The following AHI1 variants were observed in gnomAD, a reference collection of about 807,000 sequenced individuals.
The protein encoded by AHI1 is jouberin.
Under a neutral mutation model 149.3 loss-of-function variants are expected in AHI1, and 123 were observed. That is an observed-to-expected ratio of 0.82 (90% CI 0.71 to 0.96). The LOEUF is 0.96. AHI1 is among the 40% of genes least tolerant of loss of function. AHI1 has a pLI of 0.00. For synonymous variants in AHI1, 475 were observed against 459.8 expected (o/e 1.03, Z -0.42); for missense variants, 1,439 against 1,422.7 (o/e 1.01, Z -0.18).
intron 24 of AHI1, among the ~76,000 whole-genome samples, chr6:135,348,071 A>C (rs781496236): frequency 6.6e-6 from 1 of 152,206 alleles, no homozygotes; most frequent in Non-Finnish European, 1.5e-5. Flanking sequence ...CCGTGTGGCT[A>C]TCTCTGTCAA....
rs562482086 is a variant in AHI1 at position 135,326,686 on chromosome 6, G to A, written c.3166-3362C>T. Among the ~76,000 whole-genome samples, 4 of 151,962 alleles carry A rather than the reference G, an allele frequency of 2.6e-5. No individual in the cohort carries two copies. In the East Asian group the frequency reaches 7.8e-4, roughly 30 times the overall value. ...AGCTATTCTCCTGCCTTGGCCTCCT[G>A]AGTAGCTGGGATTACAGGCACCCGC... On this transcript the variant is annotated intron_variant, in intron 24 of 28. Coordinates refer to ENST00000265602, the MANE Select transcript of AHI1 (RefSeq NM_001134831.2).
At chr6:135,384,857 G>A (rs1053993951) in intron 23 of AHI1, among the ~76,000 whole-genome samples, 7 of 152,204 alleles carry the variant, frequency 4.6e-5, no homozygotes, top group Non-Finnish European at 1.0e-4. Flanking sequence ...GGGAAGCTGA[G>A]GTGGGCGGAT....
In AHI1 at chr6:135,408,034, CA is replaced by C. The variant is rs745308071; in HGVS notation, c.2962-3058del. On this transcript the variant is annotated intron_variant, in intron 21 of 28. Transcript: ENST00000265602. ...TGGGCGACAGAGTGAGATTCCGTCT[CA>C]AAAAAAAAAAAAAATTTCTGATTTT... Among the ~76,000 whole-genome samples the C allele has an allele frequency of 1.9e-3, 258 of 133,070 alleles. 1 individual carries two copies. The highest frequency in any genetic ancestry group is 3.3e-3 in the African/African-American group (118 of 36,218). 87.3% of individuals were successfully genotyped at this position (133,070 alleles called of 152,430 possible).
Position 135,444,638 on chromosome 6 carries a change from T to C in AHI1, c.1780-1924A>G, listed in dbSNP as rs141952548. ...ATCTGCAATTCTCAAATGTTTTTAG[T>C]TTCGAGATGCTTTACATTCTTGGAA... On this transcript the variant is annotated intron_variant, in intron 13 of 28. Transcript: ENST00000265602. 4.7e-3 allele frequency among the ~76,000 whole-genome samples: 715 copies of C among 152,368 alleles called. 11 individuals carry two copies. Among genetic ancestry groups the C allele is most frequent in the African/African-American group, 0.016 (650 of 41,596 alleles).
chr6:135,418,944 A>AT (rs560654045), intron 20 of AHI1, among the ~76,000 whole-genome samples: 7,331 of 141,368 alleles, frequency 0.052, 187 homozygotes, highest in Admixed American at 0.065. Context: ...AGTACTTATA[A>AT]TTTTTTTTTT....
intron 23 of AHI1, among the ~76,000 whole-genome samples, chr6:135,377,203 A>G (rs1181155590): frequency 6.6e-6 from 1 of 152,060 alleles, no homozygotes; most frequent in African/African-American, 2.4e-5. Context: ...ATGTATGATG[A>G]AGTTTTGGGA....
At chr6:135,301,764 G>C (rs1783907559) in intron 26 of AHI1, 4 of 985,330 alleles carry the variant, frequency 4.1e-6, no homozygotes, top group Non-Finnish European at 4.8e-6. Flanking sequence ...TTCTCCACCA[G>C]TGGAATTGCT....
intron 25 of AHI1, among the ~76,000 whole-genome samples, chr6:135,322,532 C>A (rs886667799): frequency 2.6e-5 from 4 of 151,850 alleles, no homozygotes; most frequent in African/African-American, 2.4e-5. Flanking sequence ...TATTAAAACA[C>A]GAAGTAGAAA....
At position 135,284,005 on chromosome 6, in the gene AHI1, T is replaced by G. The variant is rs1781472751; in HGVS notation, c.*1640A>C. 6.6e-6 allele frequency: 1 copy of G among 152,210 alleles called. No individual in the cohort carries two copies. Among genetic ancestry groups the G allele is most frequent in the African/African-American group, 2.4e-5 (1 of 41,458 alleles). 9.4% of individuals were successfully genotyped at this position (152,210 alleles called of 1,614,324 possible). A position where few individuals can be genotyped will look rare whatever the true frequency, so the allele number is the denominator to read the frequency against. On this transcript the variant is annotated 3_prime_UTR_variant, in exon 29 of 29. Transcript: ENST00000265602. ...TGAAACTGCAGAGAAACAGATATTT[T>G]TATTTTTAAATTATCAAGTGCATTC... is the stretch of plus-strand genomic sequence containing the variant.
chr6:135,497,542 G>T lies in AHI1; in HGVS notation c.-202+41C>A, dbSNP rs6570012. 439 of 153,324 alleles carry T rather than the reference G, an allele frequency of 2.9e-3. 7 individuals carry two copies. Among genetic ancestry groups the T allele is most frequent in the Middle Eastern group, 0.013 (4 of 300 alleles). The allele number at this position is 153,324 out of a possible 1,614,324, so 9.5% of individuals were successfully genotyped here. A position where few individuals can be genotyped will look rare whatever the true frequency, so the allele number is the denominator to read the frequency against. ...GAGGGCCGGGCAGGCCGAGCACCCCGGCCCGCGCTCCCGCCACCAGCGCAC... is the reference window on the plus strand; with the variant it reads ...GAGGGCCGGGCAGGCCGAGCACCCCTGCCCGCGCTCCCGCCACCAGCGCAC... On this transcript the variant is annotated intron_variant, in intron 1 of 28. Coordinates refer to ENST00000265602, the MANE Select transcript of AHI1 (RefSeq NM_001134831.2).
Position 135,285,650 on chromosome 6 carries a change from G to A in AHI1, c.3589-3C>T, listed in dbSNP as rs781417999. Reference sequence around the variant, plus strand: ...CTTAACTTTTCTTCAATTCTTTACTGGAAAGAAAAATACACAAAATGTACT... The same window carrying A: ...CTTAACTTTTCTTCAATTCTTTACTAGAAAGAAAAATACACAAAATGTACT... On this transcript the variant is annotated splice_polypyrimidine_tract_variant and splice_region_variant and intron_variant, in intron 28 of 28. Transcript: ENST00000265602. 2.5e-6 allele frequency: 4 copies of A among 1,604,638 alleles called. No homozygotes were observed. Among genetic ancestry groups the A allele is most frequent in the Non-Finnish European group, 3.4e-6 (4 of 1,174,424 alleles).
chr6:135,358,216 G>C, intron 23 of AHI1, 29 bp from the exon 24 acceptor site: 4 of 1,587,822 alleles, frequency 2.5e-6, no homozygotes, highest in East Asian at 2.2e-5. Flanking sequence ...GTGAGTATTT[G>C]GTTATTAAGC....
intron 10 of AHI1, among the ~76,000 whole-genome samples, chr6:135,454,832 T>C (rs1411352703): frequency 2.0e-5 from 3 of 152,162 alleles, no homozygotes; most frequent in African/African-American, 7.2e-5. Context: ...AATAACAGCT[T>C]TATGTAAATC....
intron 23 of AHI1, among the ~76,000 whole-genome samples, chr6:135,372,928 C>T (rs1383619988): frequency 6.6e-6 from 1 of 152,072 alleles, no homozygotes; most frequent in Admixed American, 6.5e-5. Flanking sequence ...AGTGCCTAAC[C>T]CAAATGCTTA....
intron 23 of AHI1, among the ~76,000 whole-genome samples, chr6:135,380,731 A>ACCC (rs752362853): frequency 3.7e-4 from 21 of 56,076 alleles, no homozygotes; most frequent in African/African-American, 9.9e-4. Context: ...AAGTAAAATA[A>ACCC]CCCCCCCCCC....
chr6:135,433,404 T>C (rs991041073), intron 15 of AHI1, 148 bp from the exon 16 acceptor site: 2 of 600,722 alleles, frequency 3.3e-6, no homozygotes, highest in African/African-American at 3.7e-5. Context: ...ATGAAAAATA[T>C]AATGATGATC....
At chr6:135,400,582 G>T (rs534910147) in intron 22 of AHI1, among the ~76,000 whole-genome samples, 1 of 152,224 alleles carries the variant, frequency 6.6e-6, no homozygotes, top group Non-Finnish European at 1.5e-5. Flanking sequence ...GACAGAAAAA[G>T]AGAGTGTGTG....
At chr6:135,393,180 T>C (rs1005079985) in intron 23 of AHI1, among the ~76,000 whole-genome samples, 9 of 152,052 alleles carry the variant, frequency 5.9e-5, no homozygotes, top group African/African-American at 1.9e-4. Context: ...CTTTATCATA[T>C]CCCTCTTTCC....
chr6:135,296,917 C>A (rs1158657164), intron 27 of AHI1, among the ~76,000 whole-genome samples: 1 of 152,202 alleles, frequency 6.6e-6, no homozygotes, highest in Non-Finnish European at 1.5e-5. Flanking sequence ...CCTTGCCACA[C>A]TGGGCACTTC....
Sources: allele counts gnomAD v4.1 joint callset (sites outside exome capture counted in the v4.1 genomes callset), GRCh38; gene constraint gnomAD v4.1.1; transcripts MANE v1.5; gene names NCBI Gene and HGNC (gene_info 2026-07-23, HGNC 2026-07-21).